Variants in MTHFD1L observed in about 807,000 individuals in gnomAD.
MTHFD1L encodes monofunctional C1-tetrahydrofolate synthase, mitochondrial.
A neutral mutation model predicts 119.5 loss-of-function variants in MTHFD1L; 81 were observed. The observed-to-expected ratio is 0.68, with a 90% CI of 0.57 to 0.82. The LOEUF is 0.82. MTHFD1L is among the 40% of genes least tolerant of loss of function. The pLI is 0.00. For synonymous variants in MTHFD1L, 430 were observed against 475.2 expected, an observed-to-expected ratio of 0.90 and a Z score of 1.24; for missense variants, 1,125 against 1,253.4, an observed-to-expected ratio of 0.90 and a Z score of 1.55.
intron 26 of MTHFD1L, among the ~76,000 whole-genome samples, chr6:151,050,486 G>T (rs549306798): frequency 6.6e-6 from 1 of 152,316 alleles, no homozygotes; most frequent in Admixed American, 6.5e-5. Flanking sequence ...TAATAAACTG[G>T]AAATGTTAAG....
intron 26 of MTHFD1L, among the ~76,000 whole-genome samples, chr6:151,079,808 A>C (rs1792950577): frequency 6.6e-6 from 1 of 151,468 alleles, no homozygotes; most frequent in Non-Finnish European, 1.5e-5. Flanking sequence ...GTCATGTTGC[A>C]TAGTAAGCCC....
intron 20 of MTHFD1L, among the ~76,000 whole-genome samples, chr6:151,001,040 G>A (rs569154272): frequency 6.6e-6 from 1 of 152,262 alleles, no homozygotes; most frequent in East Asian, 1.9e-4. Flanking sequence ...AGCCAGATAC[G>A]CCCCGTGCGC....
Position 151,026,892 on chromosome 6 carries a change from G to A in MTHFD1L, c.2587-7601G>A, listed in dbSNP as rs147559536. ...TCACCAGGCTGGAGTCCAGTGGCAC[G>A]ATCTCAGCTCACTGCAGTCTCCACC... On this transcript the variant is annotated intron_variant, in intron 24 of 27. Transcript: ENST00000367321. 5.7e-3 allele frequency among the ~76,000 whole-genome samples: 699 copies of A among 121,944 alleles called. 2 individuals carry two copies. Among genetic ancestry groups the A allele is most frequent in the Non-Finnish European group, 8.9e-3 (560 of 62,576 alleles). 80.0% of individuals were successfully genotyped at this position (121,944 alleles called of 152,430 possible). A position where few individuals can be genotyped will look rare whatever the true frequency, so the allele number is the denominator to read the frequency against.
At chr6:150,886,135 T>A (rs568852639) in intron 6 of MTHFD1L, among the ~76,000 whole-genome samples, 46 of 152,284 alleles carry the variant, frequency 3.0e-4, no homozygotes, top group African/African-American at 1.1e-3. Context: ...AAGACTTACG[T>A]TGAAGACTTA....
At chr6:151,036,689 T>C (rs1197686861) in intron 25 of MTHFD1L, among the ~76,000 whole-genome samples, 9 of 152,180 alleles carry the variant, frequency 5.9e-5, no homozygotes, top group African/African-American at 1.9e-4. Flanking sequence ...ATAGCCATGC[T>C]TTCCCCAAAC....
chr6:151,087,398 A>G (rs959182044), intron 26 of MTHFD1L, among the ~76,000 whole-genome samples: 1 of 152,198 alleles, frequency 6.6e-6, no homozygotes, highest in Non-Finnish European at 1.5e-5. Flanking sequence ...GGAAAGAAAT[A>G]TGTAGAAGGA....
intron 26 of MTHFD1L, among the ~76,000 whole-genome samples, chr6:151,082,331 T>G (rs1031960264): frequency 6.6e-6 from 1 of 152,212 alleles, no homozygotes; most frequent in Non-Finnish European, 1.5e-5. Flanking sequence ...ACACCTGTTT[T>G]GAGTTTATAG....
chr6:150,866,035 G>T lies in MTHFD1L; in HGVS notation c.213G>T (p.Arg71=). ...CCGGCGGCCGAACGCCCGCGGCGCGGGACTCCATCGTCAGGTGAGTGTCGG... is the reference window on the plus strand; with the variant it reads ...CCGGCGGCCGAACGCCCGCGGCGCGTGACTCCATCGTCAGGTGAGTGTCGG... ...CSPGGRTPAA[R]DSIVREVIQN... Residue 71 remains arginine, a synonymous_variant, in exon 1 of 28, where the codon CGG becomes CGT. Transcript: ENST00000367321. The T allele has an allele frequency of 6.9e-7, 1 of 1,451,968 alleles. No homozygotes were observed. The highest frequency in any genetic ancestry group is 9.0e-7 in the Non-Finnish European group (1 of 1,109,434). 89.9% of individuals were successfully genotyped at this position (1,451,968 alleles called of 1,614,324 possible).
chr6:150,897,853 A>C (rs965055859), intron 7 of MTHFD1L, among the ~76,000 whole-genome samples: 3 of 152,034 alleles, frequency 2.0e-5, no homozygotes, highest in Non-Finnish European at 4.4e-5. Flanking sequence ...TTAAAAAAAA[A>C]ATTTTTTTGA....
chr6:150,981,429 T>C (rs9397370), intron 20 of MTHFD1L, among the ~76,000 whole-genome samples: 13,313 of 152,282 alleles, frequency 0.087, 1,331 homozygotes, highest in East Asian at 0.54. Context: ...TGCCTCTGAG[T>C]TTGCTGCAAT....
intron 24 of MTHFD1L, chr6:151,022,458 T>A (rs1435777470): frequency 5.8e-6 from 1 of 171,000 alleles, no homozygotes; most frequent in African/African-American, 2.4e-5. Flanking sequence ...ACATGTATAG[T>A]CTGTGGCATT....
At chr6:150,922,370 G>GCTAA in intron 10 of MTHFD1L, 68 bp downstream of exon 10, 10 of 1,269,814 alleles carry the variant, frequency 7.9e-6, no homozygotes, top group Non-Finnish European at 1.1e-5. Flanking sequence ...TTAGTCATGG[G>GCTAA]GGAGAAGCAC....
intron 27 of MTHFD1L, among the ~76,000 whole-genome samples, chr6:151,094,464 G>T (rs575110993): frequency 9.2e-5 from 14 of 152,314 alleles, no homozygotes; most frequent in Admixed American, 8.5e-4. Flanking sequence ...CCGGGTTCAA[G>T]CAATTCTCTT....
intron 11 of MTHFD1L, chr6:150,935,644 T>C: frequency 1.8e-6 from 2 of 1,098,216 alleles, no homozygotes; most frequent in East Asian, 4.9e-5. Flanking sequence ...GTCTACAGCG[T>C]GGTTTGCCTG....
Position 151,087,561 on chromosome 6 carries a change from A to G in MTHFD1L, c.2848-4906A>G, listed in dbSNP as rs544126573. ...TTCAGGCAAAATCAGAAAATAAATTATTTCAGAAACACAACAAAACTAAGT... is the reference window on the plus strand; with the variant it reads ...TTCAGGCAAAATCAGAAAATAAATTGTTTCAGAAACACAACAAAACTAAGT... On this transcript the variant is annotated intron_variant, in intron 26 of 27. Transcript: ENST00000367321. Among the ~76,000 whole-genome samples, 257 of 152,294 alleles carry G rather than the reference A, an allele frequency of 1.7e-3. 2 individuals carry two copies. Among genetic ancestry groups the G allele is most frequent in the African/African-American group, 5.9e-3 (244 of 41,572 alleles).
intron 11 of MTHFD1L, among the ~76,000 whole-genome samples, chr6:150,932,161 C>CAAAAAAAAAAA (rs5880902): frequency 2.5e-5 from 1 of 39,472 alleles, no homozygotes; most frequent in Non-Finnish European, 4.3e-5. Flanking sequence ...GACTCCATCT[C>CAAAAAAAAAAA]AAAAAAAAAA....
At chr6:150,915,998 G>A (rs1023038295) in intron 8 of MTHFD1L, among the ~76,000 whole-genome samples, 1 of 152,250 alleles carries the variant, frequency 6.6e-6, no homozygotes, top group South Asian at 2.1e-4. Flanking sequence ...TGGTTAAAAC[G>A]AAACACAACA....
chr6:150,882,556 AT>A (rs1033043158), intron 4 of MTHFD1L, among the ~76,000 whole-genome samples: 11 of 150,448 alleles, frequency 7.3e-5, no homozygotes, highest in African/African-American at 2.2e-4. Context: ...AAGCCTTTTA[AT>A]TTTTTTTTTG....
At chr6:151,071,878 G>A (rs574123292) in intron 26 of MTHFD1L, among the ~76,000 whole-genome samples, 24 of 112,098 alleles carry the variant, frequency 2.1e-4, no homozygotes, top group Non-Finnish European at 3.6e-4. Flanking sequence ...GTCTCACTCC[G>A]ATCATCCAGA....
Sources: allele counts gnomAD v4.1 joint callset (sites outside exome capture counted in the v4.1 genomes callset), GRCh38; gene constraint gnomAD v4.1.1; transcripts MANE v1.5; gene names NCBI Gene and HGNC (gene_info 2026-07-23, HGNC 2026-07-21).